The following BMP6 variants were observed in gnomAD, a reference collection of about 807,000 sequenced individuals.
BMP6 encodes VG-1-R.
A neutral mutation model predicts 54.1 loss-of-function variants in BMP6; 17 were observed. The ratio of observed to expected loss-of-function variants is 0.31; its 90% CI spans 0.22 to 0.47. BMP6 has a LOEUF of 0.47. Ranked by LOEUF, BMP6 falls within the 20% of genes least tolerant of loss-of-function variation. The pLI, the probability that BMP6 is intolerant of heterozygous loss-of-function variation, is 1.00. For missense variants in BMP6, 720 were observed against 690.4 expected (o/e 1.04, Z -0.48); for synonymous variants, 328 against 291.2 (o/e 1.13, Z -1.28).
At chr6:7,789,924 A>T (rs9378507) in intron 1 of BMP6, among the ~76,000 whole-genome samples, 54,510 of 151,570 alleles carry the variant, frequency 0.36, 10,016 homozygotes, top group East Asian at 0.55. Flanking sequence ...TTTAAATAAA[A>T]TCAAGTCATT....
rs1301408715 is a variant in BMP6 at position 7,877,212 on chromosome 6, A to T, written c.1205-1862A>T. ...AGGCAGGGTGGTTCTGTTGGGTAAC[A>T]TAGGCAGGTGGAGAGGATAAATAAA... On this transcript the variant is annotated intron_variant, in intron 4 of 6. Coordinates refer to ENST00000283147, the MANE Select transcript of BMP6 (RefSeq NM_001718.6). 5.3e-5 allele frequency among the ~76,000 whole-genome samples: 8 copies of T among 152,214 alleles called. 1 individual carries two copies. The highest frequency in any genetic ancestry group is 1.2e-4 in the Non-Finnish European group (8 of 68,046).
rs145158708 is a variant in BMP6, at chr6:7,845,235, G to A, written c.760G>A (p.Ala254Thr). 1.6e-5 allele frequency: 26 copies of A among 1,614,116 alleles called. No individual in the cohort carries two copies. In the African/African-American group the frequency reaches 2.4e-4, roughly 15 times the overall value. The part of the protein sequence containing the change: ...QIPEGEVVTA[A>T]EFRIYKDCVM... ...TCCTGAGGGTGAGGTGGTGACGGCT[G>A]CAGAATTCCGCATCTACAAGGACTG... The change falls in exon 2 of 7, where the codon GCA (alanine) becomes ACA (threonine). Residue 254 changes from alanine to threonine, a missense_variant. Physicochemically the swap from Ala to Thr is moderately conservative, Grantham distance 58 (BLOSUM62 0). Coordinates refer to ENST00000283147, the MANE Select transcript of BMP6 (RefSeq NM_001718.6).
intron 1 of BMP6, among the ~76,000 whole-genome samples, chr6:7,743,834 G>T (rs1169063990): frequency 6.6e-6 from 1 of 152,172 alleles, no homozygotes; most frequent in African/African-American, 2.4e-5. Flanking sequence ...TTCCTACTGG[G>T]CAGCAAACAT....
chr6:7,748,951 G>C (rs540273699), intron 1 of BMP6, among the ~76,000 whole-genome samples: 1 of 152,340 alleles, frequency 6.6e-6, no homozygotes, highest in Non-Finnish European at 1.5e-5. Flanking sequence ...GAGAAATCCT[G>C]TATTATTTAG....
intron 1 of BMP6, among the ~76,000 whole-genome samples, chr6:7,743,175 T>C (rs991569176): frequency 3.3e-5 from 5 of 152,204 alleles, no homozygotes; most frequent in African/African-American, 4.8e-5. Context: ...TTCCAAAATA[T>C]ATGTAGATAT....
At chr6:7,879,536 A>T (rs1375650814) in intron 5 of BMP6, among the ~76,000 whole-genome samples, 1 of 152,256 alleles carries the variant, frequency 6.6e-6, no homozygotes, top group African/African-American at 2.4e-5. Flanking sequence ...AATGGCTGCA[A>T]ACCAGCTCAC....
chr6:7,831,599 G>A (rs1758794955), intron 1 of BMP6, among the ~76,000 whole-genome samples: 1 of 152,202 alleles, frequency 6.6e-6, no homozygotes, highest in Non-Finnish European at 1.5e-5. Context: ...TATAATTGAA[G>A]TAATTTGAGT....
rs1301378851 is a variant in BMP6, at chr6:7,822,917, G to A, written c.665-22223G>A. Among the ~76,000 whole-genome samples the A allele has an allele frequency of 7.9e-5, 9 of 113,680 alleles. No individual in the cohort carries two copies. In the South Asian group the frequency reaches 1.3e-3, roughly 16 times the overall value. 74.6% of individuals were successfully genotyped at this position (113,680 alleles called of 152,430 possible). A position where few individuals can be genotyped will look rare whatever the true frequency, so the allele number is the denominator to read the frequency against. On this transcript the variant is annotated intron_variant, in intron 1 of 6. Coordinates refer to ENST00000283147, the MANE Select transcript of BMP6 (RefSeq NM_001718.6). ...GCTGGTTGTGTGTGTGTGTGTGTGTGTGTGTGTGTGTGTGTGTGTGTGTGT... is the reference window on the plus strand; with the variant it reads ...GCTGGTTGTGTGTGTGTGTGTGTGTATGTGTGTGTGTGTGTGTGTGTGTGT...
chr6:7,800,528 C>G (rs1758254062), intron 1 of BMP6, among the ~76,000 whole-genome samples: 1 of 152,144 alleles, frequency 6.6e-6, no homozygotes. Context: ...CCCATGGTGT[C>G]TGGGAGGCCC....
chr6:7,842,454 G>C (rs2113251193), intron 1 of BMP6, among the ~76,000 whole-genome samples: 1 of 152,272 alleles, frequency 6.6e-6, no homozygotes, highest in Non-Finnish European at 1.5e-5. Flanking sequence ...GCTAGCTTGG[G>C]CTTCCTCACA....
chr6:7,796,776 A>G (rs1419157494), intron 1 of BMP6, among the ~76,000 whole-genome samples: 1 of 152,246 alleles, frequency 6.6e-6, no homozygotes, highest in Non-Finnish European at 1.5e-5. Context: ...AGCAAATTAA[A>G]GTGACTTTTT....
At chr6:7,797,834 T>G (rs750380252) in intron 1 of BMP6, among the ~76,000 whole-genome samples, 6 of 152,214 alleles carry the variant, frequency 3.9e-5, no homozygotes, top group Non-Finnish European at 8.8e-5. Flanking sequence ...AGATTCTACC[T>G]TTTTGTTTTA....
At chr6:7,819,541 GAGAGAAAGGAAGAA>G (rs1274880090) in intron 1 of BMP6, among the ~76,000 whole-genome samples, 1 of 152,114 alleles carries the variant, frequency 6.6e-6, no homozygotes, top group Non-Finnish European at 1.5e-5. Flanking sequence ...GATGTAAGGG[GAGAGAAAGGAAGAA>G]AGGGAAGGGG....
intron 1 of BMP6, among the ~76,000 whole-genome samples, chr6:7,837,460 ATTC>A (rs1758892394): frequency 6.6e-6 from 1 of 152,194 alleles, no homozygotes; most frequent in East Asian, 1.9e-4. Flanking sequence ...TAATGAGAGG[ATTC>A]TATGAAAAAT....
chr6:7,862,929 A>T (rs1223152225), intron 4 of BMP6, among the ~76,000 whole-genome samples: 1 of 152,114 alleles, frequency 6.6e-6, no homozygotes, highest in South Asian at 2.1e-4. Flanking sequence ...GAAGGGAAGG[A>T]AGGTCAACTC....
intron 1 of BMP6, among the ~76,000 whole-genome samples, chr6:7,765,453 C>T (rs1757672740): frequency 1.3e-5 from 2 of 152,190 alleles, no homozygotes; most frequent in African/African-American, 4.8e-5. Context: ...TTGCTTGGTG[C>T]AGTTAGGTAC....
At chr6:7,797,881 A>T (rs1423199194) in intron 1 of BMP6, among the ~76,000 whole-genome samples, 1 of 152,208 alleles carries the variant, frequency 6.6e-6, no homozygotes, top group Non-Finnish European at 1.5e-5. Flanking sequence ...CTTATCTGGT[A>T]ATTTGTTCCA....
chr6:7,802,110 G>A (rs139426888), intron 1 of BMP6, among the ~76,000 whole-genome samples: 179 of 152,318 alleles, frequency 1.2e-3, no homozygotes, highest in African/African-American at 4.1e-3. Context: ...CAAGAGAAAT[G>A]CAGCCTGGAT....
chr6:7,833,210 A>G (rs1758817695), intron 1 of BMP6, among the ~76,000 whole-genome samples: 1 of 152,230 alleles, frequency 6.6e-6, no homozygotes, highest in Admixed American at 6.5e-5. Flanking sequence ...GCTCTCCAAT[A>G]CAGGAGCCAC....
Sources: gnomAD v4.1 joint callset for allele counts (sites outside exome capture counted in the v4.1 genomes callset) on GRCh38, gnomAD v4.1.1 for gene constraint, MANE v1.5 for transcripts, NCBI Gene and HGNC (gene_info 2026-07-23, HGNC 2026-07-21) for gene names.